The following TSPEAR variants were observed in gnomAD, a reference collection of about 807,000 sequenced individuals.
TSPEAR encodes thrombospondin type laminin G domain and EAR repeats, also known as thrombospondin-type laminin G domain and EAR repeat-containing protein.
A neutral mutation model predicts 71.6 loss-of-function variants in TSPEAR; 69 were observed. The observed-to-expected ratio is 0.96, with a 90% CI of 0.79 to 1.18. TSPEAR has a LOEUF of 1.18. TSPEAR is among the 50% of genes most tolerant of loss of function. The pLI, the probability that TSPEAR is intolerant of heterozygous loss-of-function variation, is 0.00. For synonymous variants in TSPEAR, 402 were observed against 387.2 expected (o/e 1.04, Z -0.45); for missense variants, 971 against 894.9 (o/e 1.09, Z -1.09).
intron 1 of TSPEAR, among the ~76,000 whole-genome samples, chr21:44,573,404 G>A (rs587619508): frequency 3.3e-5 from 5 of 151,864 alleles, no homozygotes; most frequent in South Asian, 2.1e-4. Flanking sequence ...CCCATAGCCC[G>A]GCACACACGT....
At chr21:44,702,866 C>A in intron 1 of TSPEAR, 2 of 795,304 alleles carry the variant, frequency 2.5e-6, no homozygotes, top group Non-Finnish European at 4.1e-6. Flanking sequence ...GCTGACCTCT[C>A]AGCACACGCA....
intron 5 of TSPEAR, among the ~76,000 whole-genome samples, chr21:44,529,173 C>T (rs1167224111): frequency 4.6e-5 from 7 of 152,172 alleles, no homozygotes; most frequent in South Asian, 2.1e-4. Context: ...CTCGGGGGCT[C>T]GGCTGTTCTC....
At chr21:44,583,276 G>A (rs587731611) in intron 1 of TSPEAR, among the ~76,000 whole-genome samples, 4 of 152,370 alleles carry the variant, frequency 2.6e-5, no homozygotes, top group East Asian at 1.9e-4. Flanking sequence ...GGTGGCCCAC[G>A]GCCGTGTCTT....
At chr21:44,580,160 C>A in intron 1 of TSPEAR, 2 of 1,613,882 alleles carry the variant, frequency 1.2e-6, no homozygotes, top group Non-Finnish European at 1.7e-6. Context: ...GGGCACACAG[C>A]ACACGGGCTT....
At chr21:44,658,378 A>G in intron 1 of TSPEAR, 4 of 1,093,338 alleles carry the variant, frequency 3.7e-6, no homozygotes, top group Non-Finnish European at 5.3e-6. Flanking sequence ...ATGCCCAAGG[A>G]AACCTCTGAA....
chr21:44,643,540 G>A (rs1984135961), intron 1 of TSPEAR, among the ~76,000 whole-genome samples: 1 of 152,106 alleles, frequency 6.6e-6, no homozygotes, highest in Non-Finnish European at 1.5e-5. Flanking sequence ...TATAATTCTT[G>A]TTTGTCAATT....
intron 1 of TSPEAR, among the ~76,000 whole-genome samples, chr21:44,670,038 A>T (rs1985981263): frequency 6.6e-6 from 1 of 152,210 alleles, no homozygotes; most frequent in Non-Finnish European, 1.5e-5. Context: ...GTCTCAGAAG[A>T]TTACTCAGAA....
At chr21:44,581,317 T>A (rs1282803883) in intron 1 of TSPEAR, among the ~76,000 whole-genome samples, 18 of 152,232 alleles carry the variant, frequency 1.2e-4, no homozygotes, top group African/African-American at 4.1e-4. Flanking sequence ...ATTTTAAGAT[T>A]TCTTTCTTGC....
intron 2 of TSPEAR, among the ~76,000 whole-genome samples, chr21:44,553,343 A>G (rs2053477057): frequency 6.6e-6 from 1 of 152,078 alleles, no homozygotes; most frequent in Non-Finnish European, 1.5e-5. Flanking sequence ...CTCCGATTCT[A>G]AAAATAAAAA....
chr21:44,605,920 G>T (rs1294043277), intron 1 of TSPEAR, among the ~76,000 whole-genome samples: 2 of 151,898 alleles, frequency 1.3e-5, no homozygotes, highest in Non-Finnish European at 2.9e-5. Context: ...GACCCCAAAA[G>T]CACACCTAAC....
chr21:44,554,785 A>C (rs2053499858), intron 2 of TSPEAR, among the ~76,000 whole-genome samples: 1 of 152,216 alleles, frequency 6.6e-6, no homozygotes, highest in Non-Finnish European at 1.5e-5. Flanking sequence ...TGCCATCTTT[A>C]AATGTGGCTG....
chr21:44,612,086 A>T lies in TSPEAR; in HGVS notation c.83-44081T>A. The T allele has an allele frequency of 6.2e-7, 1 of 1,608,080 alleles. No homozygotes were observed. Among genetic ancestry groups the T allele is most frequent in the Non-Finnish European group, 8.5e-7 (1 of 1,176,004 alleles). On this transcript the variant is annotated intron_variant, in intron 1 of 11. Coordinates refer to ENST00000323084, the MANE Select transcript of TSPEAR (RefSeq NM_144991.3). This position sits in a 1 kb window ranked among gnomAD's most constrained non-coding sequence, Gnocchi z 4.1. ...CCTCACACCAGCACTCACACCACCC[A>T]GTCCAGCACCCACCATGGCTGACGC...
intron 3 of TSPEAR, among the ~76,000 whole-genome samples, chr21:44,532,096 G>A (rs1262446450): frequency 1.3e-5 from 2 of 152,234 alleles, no homozygotes; most frequent in Non-Finnish European, 2.9e-5. Context: ...TGGCCCCCAA[G>A]CCCTGGCCTG....
At chr21:44,545,495 A>G (rs587726671) in intron 2 of TSPEAR, among the ~76,000 whole-genome samples, 3 of 152,314 alleles carry the variant, frequency 2.0e-5, no homozygotes, top group Non-Finnish European at 2.9e-5. Context: ...CAGTTGCCAT[A>G]TTAGACTATA....
At chr21:44,564,688 A>G (rs587763161) in intron 2 of TSPEAR, among the ~76,000 whole-genome samples, 1 of 152,316 alleles carries the variant, frequency 6.6e-6, no homozygotes, top group South Asian at 2.1e-4. Flanking sequence ...ATATTAATTG[A>G]ATAGTTCAAC....
At chr21:44,539,351 G>C (rs1555916785) in intron 2 of TSPEAR, 1 of 1,612,696 alleles carries the variant, frequency 6.2e-7, no homozygotes, top group Non-Finnish European at 8.5e-7. Flanking sequence ...GGACACGCAG[G>C]AGGCCGGGCG....
In TSPEAR at chr21:44,592,589, C is replaced by A; in HGVS notation, c.83-24584G>T. 3 of 1,501,740 alleles carry A rather than the reference C, an allele frequency of 2.0e-6. No homozygotes were observed. The East Asian group carries it at 7.0e-5, about 35-fold the overall frequency. The allele number at this position is 1,501,740 out of a possible 1,614,324, so 93.0% of individuals were successfully genotyped here. A position where few individuals can be genotyped will look rare whatever the true frequency, so the allele number is the denominator to read the frequency against. ...TGTTGTCCCCGGGCCCACAGCTTCCCCTTCCGTGTTGCCGAGAGCTGGAGT... is the reference window on the plus strand; with the variant it reads ...TGTTGTCCCCGGGCCCACAGCTTCCACTTCCGTGTTGCCGAGAGCTGGAGT... On this transcript the variant is annotated intron_variant, in intron 1 of 11. Coordinates refer to ENST00000323084, the MANE Select transcript of TSPEAR (RefSeq NM_144991.3).
intron 1 of TSPEAR, among the ~76,000 whole-genome samples, chr21:44,630,527 G>A (rs1297482408): frequency 2.0e-5 from 3 of 152,202 alleles, no homozygotes; most frequent in Admixed American, 6.5e-5. Context: ...AGGCCCCCAT[G>A]CATGCCCATG....
intron 2 of TSPEAR, chr21:44,550,758 A>T: frequency 6.2e-7 from 1 of 1,614,192 alleles, no homozygotes; most frequent in Non-Finnish European, 8.5e-7. Flanking sequence ...GGGGCGGCAG[A>T]GGAGGGACAC....
Sources: allele counts gnomAD v4.1 joint callset (sites outside exome capture counted in the v4.1 genomes callset), GRCh38; gene constraint gnomAD v4.1.1; non-coding constraint Gnocchi (gnomAD v3.1); transcripts MANE v1.5; gene names NCBI Gene and HGNC (gene_info 2026-07-23, HGNC 2026-07-21).